Variants in TMEM38A observed in about 807,000 individuals in gnomAD.
The protein encoded by TMEM38A is transmembrane protein 38A, also known as trimeric intracellular cation channel type A.
A neutral mutation model predicts 28.6 loss-of-function variants in TMEM38A; 17 were observed. The observed-to-expected ratio is 0.60, with a 90% CI of 0.41 to 0.89. The LOEUF (loss-of-function observed/expected upper bound fraction) is 0.89, where lower values mean the gene tolerates loss of function less well. Among genes scored for constraint, TMEM38A ranks in the 40% least tolerant of loss-of-function variants. The pLI, the probability that TMEM38A is intolerant of heterozygous loss-of-function variation, is 0.00. For missense variants in TMEM38A, 328 were observed against 393.1 expected, an observed-to-expected ratio of 0.83 and a Z score of 1.40; for synonymous variants, 169 against 166.1, an observed-to-expected ratio of 1.02 and a Z score of -0.14.
chr19:16,665,721 G>A (rs1240769410), intron 1 of TMEM38A, among the ~76,000 whole-genome samples: 2 of 151,926 alleles, frequency 1.3e-5, no homozygotes, highest in Non-Finnish European at 2.9e-5. Context: ...GGGTGGTGAT[G>A]TTTATTTGGA....
intron 1 of TMEM38A, among the ~76,000 whole-genome samples, chr19:16,669,858 A>C (rs2086718922): frequency 1.3e-5 from 2 of 152,196 alleles, no homozygotes; most frequent in African/African-American, 4.8e-5. Flanking sequence ...CTGAAAAGGG[A>C]AAGTCACAGA....
intron 5 of TMEM38A, 51 bp from the exon 6 acceptor site, chr19:16,688,085 GCTTTCTAC>G: frequency 8.0e-7 from 1 of 1,247,762 alleles, no homozygotes; most frequent in South Asian, 2.0e-5. Context: ...CCACTCCTTT[GCTTTCTAC>G]CTTGGTCTCC....
intron 1 of TMEM38A, among the ~76,000 whole-genome samples, chr19:16,663,643 C>T (rs1032100881): frequency 4.7e-4 from 71 of 151,960 alleles, no homozygotes; most frequent in African/African-American, 1.4e-3. Flanking sequence ...ATTCTCCTGC[C>T]TCAGCCTCCC....
intron 1 of TMEM38A, among the ~76,000 whole-genome samples, chr19:16,667,388 T>C (rs1443987905): frequency 2.6e-5 from 4 of 152,082 alleles, no homozygotes; most frequent in Non-Finnish European, 5.9e-5. Context: ...TTCTGGGGCC[T>C]CCAAGCTCCA....
chr19:16,682,613 C>G, intron 4 of TMEM38A, 105 bp downstream of exon 4: 2 of 1,005,248 alleles, frequency 2.0e-6, no homozygotes, highest in Non-Finnish European at 1.6e-6. Flanking sequence ...ACCCTTGACT[C>G]TGCCTTTCAG....
intron 1 of TMEM38A, among the ~76,000 whole-genome samples, chr19:16,673,772 A>T (rs1256096183): frequency 6.6e-6 from 1 of 152,144 alleles, no homozygotes; most frequent in African/African-American, 2.4e-5. Flanking sequence ...GGAACAGAGA[A>T]GGTCATTGTT....
At chr19:16,685,141 C>T (rs1488293615) in intron 4 of TMEM38A, among the ~76,000 whole-genome samples, 1 of 151,968 alleles carries the variant, frequency 6.6e-6, no homozygotes, top group Non-Finnish European at 1.5e-5. Flanking sequence ...AATCCCAGCA[C>T]TTTGGGAGGC....
chr19:16,679,692 A>G (rs1297699031), intron 1 of TMEM38A, among the ~76,000 whole-genome samples: 1 of 152,108 alleles, frequency 6.6e-6, no homozygotes. Flanking sequence ...AAAAGCCATC[A>G]CTTGGCTGGG....
At chr19:16,675,312 C>A (rs2122586891) in intron 1 of TMEM38A, among the ~76,000 whole-genome samples, 1 of 152,074 alleles carries the variant, frequency 6.6e-6, no homozygotes, top group East Asian at 1.9e-4. Context: ...CGGCTCACTG[C>A]AGCCTCAACC....
intron 4 of TMEM38A, among the ~76,000 whole-genome samples, chr19:16,685,050 G>GTAAATAAATAAATAAA (rs1033381515): frequency 6.0e-5 from 9 of 149,340 alleles, no homozygotes; most frequent in African/African-American, 2.3e-4. Flanking sequence ...CCCTGTCTCT[G>GTAAATAAATAAATAAA]TAAATAAATA....
In TMEM38A at chr19:16,682,466, G is replaced by A. The variant is rs1384165377; in HGVS notation, c.512G>A (p.Gly171Glu). The A allele has an allele frequency of 6.2e-7, 1 of 1,613,660 alleles. No individual in the cohort carries two copies. The highest frequency in any genetic ancestry group is 1.3e-5 in the African/African-American group (1 of 74,764). ...LMSNFEQLLR[G>E]VWKPETNEIL... ...TCCAACTTTGAGCAGCTGCTCCGAG[G>A]GGTCTGGAAGCCAGAGACCAACGAG... The change falls in exon 4 of 6, where the codon GGG becomes GAG. Residue 171 changes from glycine to glutamate, a missense_variant. Physicochemically the swap from Gly to Glu is moderately conservative, Grantham distance 98. Coordinates refer to ENST00000187762, the MANE Select transcript of TMEM38A (RefSeq NM_024074.4).
chr19:16,664,940 T>C (rs2086696776), intron 1 of TMEM38A, among the ~76,000 whole-genome samples: 1 of 151,912 alleles, frequency 6.6e-6, no homozygotes, highest in Non-Finnish European at 1.5e-5. Flanking sequence ...GTTGGAAGAT[T>C]GCTTGAGGCC....
At position 16,682,450 on chromosome 19, in the gene TMEM38A, G is replaced by C; in HGVS notation, c.496G>C (p.Glu166Gln). 6.2e-7 allele frequency: 1 copy of C among 1,613,932 alleles called. No individual in the cohort carries two copies. Among genetic ancestry groups the C allele is most frequent in the South Asian group, 1.1e-5 (1 of 91,062 alleles). Residue 166 changes from glutamate to glutamine, a missense_variant, in exon 4 of 6, where the codon GAG becomes CAG. Physicochemically the swap from Glu to Gln is conservative, Grantham distance 29. Coordinates refer to ENST00000187762, the MANE Select transcript of TMEM38A (RefSeq NM_024074.4). ...TGGTGTCGCCCTCATGTCCAACTTT[G>C]AGCAGCTGCTCCGAGGGGTCTGGAA... is the stretch of plus-strand genomic sequence containing the variant. ...GSGVALMSNF[E>Q]QLLRGVWKPE...
intron 1 of TMEM38A, 101 bp from the exon 2 acceptor site, chr19:16,679,883 G>A (rs2086772495): frequency 1.5e-6 from 2 of 1,291,366 alleles, no homozygotes; most frequent in Non-Finnish European, 2.1e-6. Context: ...GCACAGTGTT[G>A]GGTGGGCGCT....
chr19:16,665,700 G>A lies in TMEM38A; in HGVS notation c.124+4359G>A, dbSNP rs560837209. On this transcript the variant is annotated intron_variant, in intron 1 of 5. Transcript: ENST00000187762. ...AATTTTGTCAGGGATAAGGTCTAAG[G>A]CATTTGTGAGGGGTGGTGATGTTTA... Among the ~76,000 whole-genome samples, 3 of 152,232 alleles carry A rather than the reference G, an allele frequency of 2.0e-5. No homozygotes were observed. The East Asian group carries it at 5.8e-4, about 29-fold the overall frequency.
rs184347687 is a variant in TMEM38A at position 16,683,464 on chromosome 19, G to A, written c.554+956G>A. Among the ~76,000 whole-genome samples the A allele has an allele frequency of 7.1e-4, 108 of 151,972 alleles. 1 individual carries two copies. Among genetic ancestry groups the A allele is most frequent in the Non-Finnish European group, 6.8e-4 (46 of 67,972 alleles). ...TTAAATTAGCTAGGCATGGTGGGAT[G>A]CACTTGTGGTCCCAGCTACTCAGGA... On this transcript the variant is annotated intron_variant, in intron 4 of 5. Transcript: ENST00000187762.
intron 1 of TMEM38A, among the ~76,000 whole-genome samples, chr19:16,662,078 G>A (rs2086684559): frequency 1.3e-5 from 2 of 152,086 alleles, no homozygotes; most frequent in South Asian, 2.1e-4. Context: ...GGCTTCCTTA[G>A]AACGTGTTCT....
At chr19:16,672,445 C>CTTTTTTTTTTTT (rs1491240988) in intron 1 of TMEM38A, among the ~76,000 whole-genome samples, 4 of 100,434 alleles carry the variant, frequency 4.0e-5, no homozygotes, top group African/African-American at 3.1e-4. Flanking sequence ...AAAAAAACCT[C>CTTTTTTTTTTTT]ATTTTTTTTT....
chr19:16,674,246 G>GT (rs1365109682), intron 1 of TMEM38A, among the ~76,000 whole-genome samples: 4 of 151,814 alleles, frequency 2.6e-5, no homozygotes, highest in Non-Finnish European at 5.9e-5. Flanking sequence ...TTAGCTAGGC[G>GT]TGGTGGCAGG....
Sources: allele counts gnomAD v4.1 joint callset (sites outside exome capture counted in the v4.1 genomes callset), GRCh38; gene constraint gnomAD v4.1.1; transcripts MANE v1.5; gene names NCBI Gene and HGNC (gene_info 2026-07-23, HGNC 2026-07-21).